Variants in DHX30 observed in about 807,000 individuals in gnomAD.
DHX30 encodes the protein DExH-box helicase 30, also known as ATP-dependent RNA helicase DHX30.
In DHX30, 4 loss-of-function variants were observed where a neutral mutation model predicts 116.9. That is an observed-to-expected ratio of 0.03 (90% CI 0.02 to 0.08). The LOEUF (loss-of-function observed/expected upper bound fraction) is 0.08, where lower values mean the gene tolerates loss of function less well. DHX30 is among the 10% of genes least tolerant of loss of function. The pLI is 1.00. For synonymous variants in DHX30, 697 were observed against 651.7 expected, an observed-to-expected ratio of 1.07 and a Z score of -1.06; for missense variants, 871 against 1,595.1, an observed-to-expected ratio of 0.55 and a Z score of 7.73.
chr3:47,803,347 C>T lies in DHX30; in HGVS notation c.-123+135C>T, dbSNP rs528771747. 2.0e-3 allele frequency: 757 copies of T among 377,596 alleles called. 5 individuals are homozygous for T. The highest frequency in any genetic ancestry group is 0.013 in the African/African-American group (628 of 47,786). 23.4% of individuals were successfully genotyped at this position (377,596 alleles called of 1,614,324 possible). Reference sequence around the variant, plus strand: ...AGTGGGGCGGAGACGCCGGCGGGCCCGAGGAGCAGGCCGGGCATCCTAGGC... The same window carrying T: ...AGTGGGGCGGAGACGCCGGCGGGCCTGAGGAGCAGGCCGGGCATCCTAGGC... On this transcript the variant is annotated intron_variant, in intron 1 of 21. Transcript: ENST00000445061.
chr3:47,834,350 C>T (rs987747993), intron 6 of DHX30, among the ~76,000 whole-genome samples: 8 of 152,052 alleles, frequency 5.3e-5, no homozygotes, highest in South Asian at 2.1e-4. Context: ...GTGATCTGCC[C>T]GCCTTGGCCT....
intron 3 of DHX30, among the ~76,000 whole-genome samples, chr3:47,813,206 G>A (rs551662513): frequency 1.7e-4 from 26 of 152,094 alleles, no homozygotes; most frequent in Non-Finnish European, 3.5e-4. Flanking sequence ...AGCCGGGTGC[G>A]GTGGTGGGTG....
intron 5 of DHX30, among the ~76,000 whole-genome samples, chr3:47,828,795 G>A (rs564409283): frequency 2.0e-5 from 3 of 152,164 alleles, no homozygotes; most frequent in Non-Finnish European, 4.4e-5. Context: ...CCTTGAAGGA[G>A]CAAAACAACT....
At chr3:47,808,683 C>T (rs1344151945) in intron 2 of DHX30, among the ~76,000 whole-genome samples, 4 of 151,030 alleles carry the variant, frequency 2.6e-5, no homozygotes, top group Admixed American at 2.6e-4. Context: ...TCAAGCGATT[C>T]TCCTGCCTCA....
intron 1 of DHX30, 139 bp downstream of exon 1, chr3:47,803,351 G>A (rs989193651): frequency 5.3e-6 from 2 of 377,768 alleles, no homozygotes; most frequent in Non-Finnish European, 9.4e-6. Flanking sequence ...CGGGCCCGAG[G>A]AGCAGGCCGG....
Position 47,848,845 on chromosome 3 carries a change from T to A in DHX30, c.2769+28T>A. 6.2e-7 allele frequency: 1 copy of A among 1,601,888 alleles called. No individual in the cohort carries two copies. Among genetic ancestry groups the A allele is most frequent in the Non-Finnish European group, 8.5e-7 (1 of 1,170,116 alleles). ...CAGTCCTGGCTCCTTCCTGGAGCCG[T>A]CCACCCACTGCTGTTCTGAGGGGGC... On this transcript the variant is annotated intron_variant, in intron 17 of 21. Coordinates refer to ENST00000445061, the MANE Select transcript of DHX30 (RefSeq NM_138615.3). This position sits in a 1 kb window ranked among gnomAD's most constrained non-coding sequence, Gnocchi z 9.4.
At chr3:47,832,252 A>C (rs190667250) in intron 6 of DHX30, among the ~76,000 whole-genome samples, 1 of 152,110 alleles carries the variant, frequency 6.6e-6, no homozygotes, top group East Asian at 1.9e-4. Context: ...TAGCCTTGGC[A>C]CTGCCATGCA....
chr3:47,803,500 G>A (rs1363352614), intron 1 of DHX30, among the ~76,000 whole-genome samples: 2 of 151,984 alleles, frequency 1.3e-5, no homozygotes, highest in Admixed American at 1.3e-4. Flanking sequence ...GGGGCTCCGC[G>A]GAGGCCGTGG....
intron 4 of DHX30, chr3:47,825,099 G>C (rs1471402587): frequency 1.8e-5 from 12 of 671,084 alleles, no homozygotes; most frequent in Non-Finnish European, 2.4e-5. Flanking sequence ...GCCTGCAGCC[G>C]CTGGGTCCCC....
At chr3:47,815,966 C>G (rs1053598143) in intron 3 of DHX30, 3 of 981,166 alleles carry the variant, frequency 3.1e-6, no homozygotes, top group Non-Finnish European at 3.6e-6. Flanking sequence ...AATCCAGCAT[C>G]CCTGGATGTG....
At chr3:47,822,530 TAATCCCA>T (rs1419419315) in intron 4 of DHX30, among the ~76,000 whole-genome samples, 1 of 152,204 alleles carries the variant, frequency 6.6e-6, no homozygotes, top group East Asian at 1.9e-4. Context: ...CTCATGCCTG[TAATCCCA>T]GCACTTTGGG....
intron 6 of DHX30, among the ~76,000 whole-genome samples, chr3:47,835,640 C>T (rs1361377142): frequency 6.6e-6 from 1 of 151,780 alleles, no homozygotes; most frequent in East Asian, 1.9e-4. Flanking sequence ...TGGGGTTTCA[C>T]CATGTTGGCT....
intron 4 of DHX30, chr3:47,819,313 G>A (rs771536270): frequency 3.5e-5 from 48 of 1,361,700 alleles, no homozygotes; most frequent in Admixed American, 1.5e-4. Context: ...GCTTGAAGAC[G>A]GTTAGTCGGG....
At chr3:47,810,796 A>G (rs930541949) in intron 3 of DHX30, 85 bp downstream of exon 3, 1 of 1,366,168 alleles carries the variant, frequency 7.3e-7, no homozygotes, top group South Asian at 1.2e-5. Flanking sequence ...TCTCCCCAGT[A>G]TGTAGTTCTT....
At chr3:47,819,288 A>G in intron 4 of DHX30, 1 of 1,367,664 alleles carries the variant, frequency 7.3e-7, no homozygotes, top group Non-Finnish European at 9.8e-7. Context: ...AGAGTGTCAG[A>G]TGTGCTTTGG....
intron 6 of DHX30, among the ~76,000 whole-genome samples, chr3:47,837,860 C>T (rs893899799): frequency 2.0e-5 from 3 of 152,088 alleles, no homozygotes; most frequent in Non-Finnish European, 2.9e-5. Context: ...GGGCAGCATG[C>T]GCCAGCAGGG....
In DHX30 at chr3:47,847,079, G is replaced by T; in HGVS notation, c.1929+78G>T. 6.5e-7 allele frequency: 1 copy of T among 1,540,370 alleles called. No homozygotes were observed. The highest frequency in any genetic ancestry group is 8.8e-7 in the Non-Finnish European group (1 of 1,134,618). On this transcript the variant is annotated intron_variant, in intron 11 of 21. Coordinates refer to ENST00000445061, the MANE Select transcript of DHX30 (RefSeq NM_138615.3). The surrounding 1 kb of genome is among the most constrained non-coding windows in gnomAD (Gnocchi z 5.5). ...CCCCTCCTCCCTGGCCCTGGGGCTT[G>T]GTGCCTGGGGCAAGTTACCCTCCCC...
At chr3:47,835,284 T>C (rs916279500) in intron 6 of DHX30, among the ~76,000 whole-genome samples, 2 of 151,144 alleles carry the variant, frequency 1.3e-5, no homozygotes, top group Non-Finnish European at 3.0e-5. Flanking sequence ...AGCAGTTCTG[T>C]CTCAGCCTCC....
rs1450274472 is a variant in DHX30 at position 47,848,604 on chromosome 3, T to C, written c.2576-20T>C. On this transcript the variant is annotated intron_variant, in intron 16 of 21. Coordinates refer to ENST00000445061, the MANE Select transcript of DHX30 (RefSeq NM_138615.3). This position sits in a 1 kb window ranked among gnomAD's most constrained non-coding sequence, Gnocchi z 9.4. ...GGGGAGTGGCTCTCGAGGGTGGTAC[T>C]GACAGCTGAGCCGTTGCAGGGGTGC... 6.2e-7 allele frequency: 1 copy of C among 1,614,046 alleles called. No homozygotes were observed. Among genetic ancestry groups the C allele is most frequent in the Non-Finnish European group, 8.5e-7 (1 of 1,179,974 alleles).
Sources: gnomAD v4.1 joint callset for allele counts (sites outside exome capture counted in the v4.1 genomes callset) on GRCh38, gnomAD v4.1.1 for gene constraint, Gnocchi (gnomAD v3.1) non-coding constraint, MANE v1.5 for transcripts, NCBI Gene and HGNC (gene_info 2026-07-23, HGNC 2026-07-21) for gene names.